Variants in IL12RB1 observed in about 807,000 individuals in gnomAD.
The protein encoded by IL12RB1 is interleukin-12 receptor subunit beta-1.
Under a neutral mutation model 94.4 loss-of-function variants are expected in IL12RB1, and 64 were observed. The ratio of observed to expected loss-of-function variants is 0.68; its 90% CI spans 0.55 to 0.83. The LOEUF is 0.83. Among genes scored for constraint, IL12RB1 ranks in the 40% least tolerant of loss-of-function variants. IL12RB1 has a pLI of 0.00. For missense variants in IL12RB1, 814 were observed against 855.6 expected (o/e 0.95, Z 0.61); for synonymous variants, 362 against 355.5 (o/e 1.02, Z -0.21).
At chr19:18,068,261 G>C in intron 11 of IL12RB1, 128 bp downstream of exon 11, 1 of 636,390 alleles carries the variant, frequency 1.6e-6, no homozygotes, top group Non-Finnish European at 2.6e-6. Flanking sequence ...CCTGACCTCA[G>C]GTGATCCACC....
intron 11 of IL12RB1, among the ~76,000 whole-genome samples, chr19:18,067,121 C>T (rs898761086): frequency 2.7e-5 from 4 of 150,502 alleles, no homozygotes; most frequent in Admixed American, 6.6e-5. Flanking sequence ...GTCAGGAGTT[C>T]GAGACTAGCC....
chr19:18,083,429 A>G lies in IL12RB1; in HGVS notation c.124+3T>C. On this transcript the variant is annotated splice_donor_region_variant and intron_variant, in intron 2 of 16. Transcript: ENST00000593993. ...CAGCCAACAATGAGGAACTGCCCCG[A>G]ACCTGAGTCTGCATCCGGATATGGC... 6.2e-7 allele frequency: 1 copy of G among 1,614,040 alleles called. No homozygotes were observed. Among genetic ancestry groups the G allele is most frequent in the Non-Finnish European group, 8.5e-7 (1 of 1,179,950 alleles).
chr19:18,096,910 C>G (rs2036989435), intron 1 of IL12RB1, among the ~76,000 whole-genome samples: 2 of 151,186 alleles, frequency 1.3e-5, no homozygotes, highest in Middle Eastern at 3.4e-3. Flanking sequence ...TTTGGGAGGC[C>G]TAGGCAGAAG....
chr19:18,087,745 C>T (rs1193981663), upstream of IL12RB1, among the ~76,000 whole-genome samples: 3 of 151,744 alleles, frequency 2.0e-5, no homozygotes, highest in Admixed American at 6.6e-5. Flanking sequence ...TGGTCTCAAA[C>T]TCCCGGGTTC....
At chr19:18,082,115 G>A (rs1384126464) in intron 3 of IL12RB1, 35 bp downstream of exon 3, 3 of 1,306,392 alleles carry the variant, frequency 2.3e-6, no homozygotes, top group South Asian at 2.4e-5. Flanking sequence ...GTGGGATGGT[G>A]GGTGAGGGTT....
intron 11 of IL12RB1, 97 bp from the exon 12 acceptor site, chr19:18,066,794 A>G: frequency 1.1e-6 from 1 of 902,362 alleles, no homozygotes; most frequent in South Asian, 1.4e-5. Flanking sequence ...TGGGAGGCCG[A>G]GGTGGGTAAG....
intron 8 of IL12RB1, 23 bp from the exon 9 acceptor site, chr19:18,072,372 C>CT (rs1490631806): frequency 6.8e-7 from 1 of 1,473,920 alleles, no homozygotes; most frequent in Non-Finnish European, 9.5e-7. Context: ...TGAAAGACAG[C>CT]TTGTGGGTAC....
At chr19:18,067,326 GAAAAAAAAAAAAA>G (rs57327846) in intron 11 of IL12RB1, among the ~76,000 whole-genome samples, 4 of 82,594 alleles carry the variant, frequency 4.8e-5, no homozygotes, top group Admixed American at 1.6e-4. Flanking sequence ...TCTGTCTCAA[GAAAAAAAAAAAAA>G]AAAAAAAAAA....
chr19:18,072,680 G>T (rs453427), intron 8 of IL12RB1, among the ~76,000 whole-genome samples: 22,944 of 151,926 alleles, frequency 0.15, 2,028 homozygotes, highest in Non-Finnish European at 0.21. Flanking sequence ...GGGCACGGGG[G>T]CTCACGCCTC....
chr19:18,092,508 T>C (rs1054053903), intron 1 of IL12RB1, among the ~76,000 whole-genome samples: 1 of 151,056 alleles, frequency 6.6e-6, no homozygotes, highest in Non-Finnish European at 1.5e-5. Context: ...TAAAATAAAA[T>C]AAAAATACAA....
intron 3 of IL12RB1, among the ~76,000 whole-genome samples, chr19:18,081,539 G>A (rs2146400988): frequency 6.6e-6 from 1 of 151,970 alleles, no homozygotes; most frequent in East Asian, 2.0e-4. Flanking sequence ...GAATGAAAGG[G>A]CTGGGCGCAG....
rs755140822 is a variant in IL12RB1 at position 18,082,254 on chromosome 19, C to G, written c.135G>C (p.Ser45=). 4 of 1,606,556 alleles carry G rather than the reference C, an allele frequency of 2.5e-6. No individual in the cohort carries two copies. The highest frequency in any genetic ancestry group is 2.2e-5 in the East Asian group (1 of 44,746). Residue 45 remains serine, a synonymous_variant, in exon 3 of 17, where the codon TCG becomes TCC. Transcript: ENST00000593993. Reference sequence around the variant, plus strand: ...GATAGCATCTCAGGTCCCTAGGGCCCGAGGCCGAGCCTGGAAGAGATCCTG... The same window carrying G: ...GATAGCATCTCAGGTCCCTAGGGCCGGAGGCCGAGCCTGGAAGAGATCCTG... ...PYPDADSGSA[S]GPRDLRCYRI...
At chr19:18,063,078 A>C (rs1336049197) in intron 13 of IL12RB1, among the ~76,000 whole-genome samples, 5 of 51,456 alleles carry the variant, frequency 9.7e-5, no homozygotes, top group African/African-American at 3.1e-4. Context: ...TTCTTCTTCT[A>C]TTTTTTTTTT....
intron 1 of IL12RB1, among the ~76,000 whole-genome samples, chr19:18,086,224 G>GTAAATAAA (rs71833814): frequency 9.2e-4 from 129 of 140,794 alleles, no homozygotes; most frequent in Middle Eastern, 3.5e-3. Context: ...CCCTACCTCA[G>GTAAATAAA]TAAATAAATA....
At chr19:18,060,265 G>A (rs1011129980) in intron 15 of IL12RB1, among the ~76,000 whole-genome samples, 180 bp from the exon 16 acceptor site, 1 of 152,150 alleles carries the variant, frequency 6.6e-6, no homozygotes, top group Non-Finnish European at 1.5e-5. Context: ...GATCACTTGA[G>A]GTCAGCAGTT....
At chr19:18,076,802 T>C (rs1484934694) in intron 5 of IL12RB1, among the ~76,000 whole-genome samples, 1 of 151,972 alleles carries the variant, frequency 6.6e-6, no homozygotes, top group African/African-American at 2.4e-5. Context: ...TAGGAACATA[T>C]AAAGCAGTAA....
At chr19:18,089,191 G>C (rs2036523946), upstream of IL12RB1, among the ~76,000 whole-genome samples, 1 of 152,138 alleles carries the variant, frequency 6.6e-6, no homozygotes, top group Non-Finnish European at 1.5e-5. Context: ...TCAGGGGCTG[G>C]GGGGAGGCGG....
intron 13 of IL12RB1, among the ~76,000 whole-genome samples, 183 bp downstream of exon 13, chr19:18,063,693 C>T (rs1447751655): frequency 6.6e-6 from 1 of 152,120 alleles, no homozygotes; most frequent in East Asian, 1.9e-4. Flanking sequence ...GGGCAAGGCT[C>T]CTGGAGTGTG....
At chr19:18,073,414 C>T in intron 8 of IL12RB1, 103 bp downstream of exon 8, 1 of 775,830 alleles carries the variant, frequency 1.3e-6, no homozygotes, top group Non-Finnish European at 2.3e-6. Context: ...GCCACCTCTA[C>T]ATCTCATCTC....
Sources: gnomAD v4.1 joint callset for allele counts (sites outside exome capture counted in the v4.1 genomes callset) on GRCh38, gnomAD v4.1.1 for gene constraint, MANE v1.5 for transcripts, NCBI Gene and HGNC (gene_info 2026-07-23, HGNC 2026-07-21) for gene names.